MIPOL1: variants seen among roughly 807,000 people sequenced by gnomAD.
The protein encoded by MIPOL1 is mirror-image polydactyly gene 1 protein.
In MIPOL1, 57 loss-of-function variants were observed where a neutral mutation model predicts 60.9. The observed-to-expected ratio is 0.94, with a 90% CI of 0.76 to 1.17. The LOEUF (loss-of-function observed/expected upper bound fraction) is 1.17. MIPOL1 is among the 50% of genes most tolerant of loss of function. The pLI is 0.00. For missense variants in MIPOL1, 551 were observed against 511.6 expected, an observed-to-expected ratio of 1.08 and a Z score of -0.74; for synonymous variants, 179 against 168.8, an observed-to-expected ratio of 1.06 and a Z score of -0.47.
intron 4 of MIPOL1, among the ~76,000 whole-genome samples, chr14:37,268,145 A>T (rs1311042040): frequency 6.6e-6 from 1 of 152,192 alleles, no homozygotes; most frequent in East Asian, 1.9e-4. Flanking sequence ...ACTATTTTTA[A>T]CAGATTTTTG....
rs1259002749 is a variant in MIPOL1, at chr14:37,550,984, T to G, written c.*4013T>G. ...AACTTCTAAAAGTTGAATTATTTAA[T>G]GTAGGACTTCATAAATAGTATTTGA... On this transcript the variant is annotated 3_prime_UTR_variant, in exon 13 of 13. Coordinates refer to ENST00000684589, the MANE Select transcript of MIPOL1 (RefSeq NM_001388067.1). 6.6e-6 allele frequency: 1 copy of G among 152,172 alleles called. No homozygotes were observed. The highest frequency in any genetic ancestry group is 1.5e-5 in the Non-Finnish European group (1 of 67,996). The allele number at this position is 152,172 out of a possible 1,614,324, so 9.4% of individuals were successfully genotyped here. A position where few individuals can be genotyped will look rare whatever the true frequency, so the allele number is the denominator to read the frequency against.
chr14:37,386,365 C>A (rs2093067204), intron 10 of MIPOL1, among the ~76,000 whole-genome samples: 1 of 151,948 alleles, frequency 6.6e-6, no homozygotes, highest in South Asian at 2.1e-4. Context: ...CATGCAAATT[C>A]TTGATTACAG....
chr14:37,514,592 T>C (rs1040247791), intron 12 of MIPOL1, among the ~76,000 whole-genome samples: 15 of 152,092 alleles, frequency 9.9e-5, no homozygotes, highest in Admixed American at 9.8e-4. Context: ...TTAGATATAA[T>C]GTATCTACTG....
chr14:37,243,683 G>A (rs1026360075), intron 1 of MIPOL1, among the ~76,000 whole-genome samples: 8 of 152,162 alleles, frequency 5.3e-5, no homozygotes, highest in African/African-American at 1.7e-4. Context: ...TGTGGCTTTT[G>A]TGGAGGAAGG....
chr14:37,543,831 C>T (rs935763603), intron 12 of MIPOL1, among the ~76,000 whole-genome samples: 5 of 152,020 alleles, frequency 3.3e-5, no homozygotes, highest in African/African-American at 1.2e-4. Context: ...CATTGTGTTC[C>T]CCTGTCTACA....
chr14:37,255,622 C>A (rs962513398), intron 3 of MIPOL1, among the ~76,000 whole-genome samples: 2 of 151,594 alleles, frequency 1.3e-5, no homozygotes, highest in Non-Finnish European at 1.5e-5. Flanking sequence ...ATTTCAGATA[C>A]AGTTTTTCTT....
chr14:37,522,660 GA>G (rs1333351711), intron 12 of MIPOL1, among the ~76,000 whole-genome samples: 1 of 152,068 alleles, frequency 6.6e-6, no homozygotes, highest in Non-Finnish European at 1.5e-5. Context: ...AGCAAACTGT[GA>G]ATGAACACAT....
intron 7 of MIPOL1, among the ~76,000 whole-genome samples, chr14:37,293,052 T>C (rs1365081153): frequency 6.6e-6 from 1 of 152,184 alleles, no homozygotes; most frequent in East Asian, 1.9e-4. Flanking sequence ...GGCTTTTATT[T>C]GTTTCAGTAT....
intron 9 of MIPOL1, among the ~76,000 whole-genome samples, chr14:37,318,210 C>A (rs2088138236): frequency 6.6e-6 from 1 of 152,166 alleles, no homozygotes; most frequent in African/African-American, 2.4e-5. Context: ...AGGAAATAAT[C>A]AAATATCCTA....
chr14:37,489,583 A>G (rs190320284), intron 11 of MIPOL1, among the ~76,000 whole-genome samples: 108 of 152,074 alleles, frequency 7.1e-4, no homozygotes, highest in African/African-American at 2.5e-3. Flanking sequence ...ATCTTCATGG[A>G]TTTATCTACT....
intron 9 of MIPOL1, among the ~76,000 whole-genome samples, chr14:37,322,885 C>CAGAT (rs1306308677): frequency 6.6e-6 from 1 of 152,020 alleles, no homozygotes; most frequent in African/African-American, 2.4e-5. Context: ...AGACCTTTGT[C>CAGAT]AGATAGATAG....
chr14:37,483,826 G>C (rs1312444459), intron 11 of MIPOL1, among the ~76,000 whole-genome samples: 1 of 152,034 alleles, frequency 6.6e-6, no homozygotes, highest in African/African-American at 2.4e-5. Flanking sequence ...TGTAGAGGCA[G>C]GGTTTCACTA....
At chr14:37,417,986 G>T (rs1335908068) in intron 10 of MIPOL1, among the ~76,000 whole-genome samples, 1 of 151,940 alleles carries the variant, frequency 6.6e-6, no homozygotes, top group Non-Finnish European at 1.5e-5. Context: ...TAAAAGTAAG[G>T]TTCCGTATTA....
chr14:37,277,399 T>G (rs2083750325), intron 6 of MIPOL1: 1 of 151,404 alleles, frequency 6.6e-6, no homozygotes, highest in South Asian at 2.1e-4. Flanking sequence ...TTATCAGTAC[T>G]GATTTTAATG....
At position 37,236,071 on chromosome 14, in the gene MIPOL1, C is replaced by T. The variant is rs138789384; in HGVS notation, c.-198-11032C>T. 1.8e-3 allele frequency among the ~76,000 whole-genome samples: 266 copies of T among 151,784 alleles called. 3 individuals carry two copies. The highest frequency in any genetic ancestry group is 6.1e-3 in the African/African-American group (252 of 41,382). On this transcript the variant is annotated intron_variant, in intron 1 of 12. Coordinates refer to ENST00000684589, the MANE Select transcript of MIPOL1 (RefSeq NM_001388067.1). The stretch of plus-strand genomic sequence containing the variant: ...CCTCCTGAGTAGCTGGGATTACAGG[C>T]GCATGCCACCATGCCCAGCTAATTT...
chr14:37,457,997 C>T (rs1340771224), intron 11 of MIPOL1, among the ~76,000 whole-genome samples: 1 of 151,590 alleles, frequency 6.6e-6, no homozygotes, highest in African/African-American at 2.4e-5. Flanking sequence ...AAAGATATAC[C>T]ATACAGATGG....
chr14:37,367,614 A>T (rs2092515215), intron 9 of MIPOL1, among the ~76,000 whole-genome samples: 1 of 152,000 alleles, frequency 6.6e-6, no homozygotes, highest in Non-Finnish European at 1.5e-5. Context: ...AGCTTACAAA[A>T]TCACATTCCC....
intron 11 of MIPOL1, among the ~76,000 whole-genome samples, chr14:37,454,743 T>G (rs1260799607): frequency 6.6e-6 from 1 of 152,218 alleles, no homozygotes; most frequent in Admixed American, 6.5e-5. Flanking sequence ...TAAATCCATG[T>G]GGTAAATAAA....
At chr14:37,534,401 T>C (rs1033997388) in intron 12 of MIPOL1, among the ~76,000 whole-genome samples, 4 of 152,216 alleles carry the variant, frequency 2.6e-5, no homozygotes, top group Non-Finnish European at 4.4e-5. Flanking sequence ...TCTTTTATTC[T>C]TGAAACCTAC....
Sources: gnomAD v4.1 joint callset for allele counts (sites outside exome capture counted in the v4.1 genomes callset) on GRCh38, gnomAD v4.1.1 for gene constraint, MANE v1.5 for transcripts, NCBI Gene and HGNC (gene_info 2026-07-23, HGNC 2026-07-21) for gene names.